The following VPS13A variants were observed in gnomAD, a reference collection of about 807,000 sequenced individuals.
VPS13A encodes intermembrane lipid transfer protein VPS13A.
A neutral mutation model predicts 390.9 loss-of-function variants in VPS13A; 264 were observed. That is an observed-to-expected ratio of 0.68 (90% CI 0.61 to 0.75). The LOEUF is 0.75. Among genes scored for constraint, VPS13A ranks in the 30% least tolerant of loss-of-function variants. The probability of loss-of-function intolerance (pLI) is 0.00; values close to 1 mark genes in which losing one functional copy is unlikely to be tolerated. For synonymous variants in VPS13A, 1,231 were observed against 1,227.1 expected (o/e 1.00, Z -0.07); for missense variants, 3,409 against 3,733.9 (o/e 0.91, Z 2.27).
chr9:77,405,662 TG>T (rs949308697), intron 69 of VPS13A, among the ~76,000 whole-genome samples: 1 of 152,224 alleles, frequency 6.6e-6, no homozygotes, highest in African/African-American at 2.4e-5. Context: ...GTTATCTTTT[TG>T]TTTGGGTTTC....
chr9:77,349,697 G>A (rs920695799), intron 52 of VPS13A, among the ~76,000 whole-genome samples: 4 of 152,076 alleles, frequency 2.6e-5, no homozygotes, highest in African/African-American at 7.2e-5. Flanking sequence ...AGGCTGGAGT[G>A]CAGAGGCGCG....
chr9:77,212,933 G>C (rs1377317886), intron 7 of VPS13A, 36 bp from the exon 8 acceptor site: 46 of 1,606,234 alleles, frequency 2.9e-5, no homozygotes, highest in African/African-American at 5.4e-5. Context: ...CAAATGGAAT[G>C]ACCTTTTTAC....
chr9:77,322,283 G>A lies in VPS13A; in HGVS notation c.5830+537G>A, dbSNP rs117077129. On this transcript the variant is annotated intron_variant, in intron 44 of 71. Transcript: ENST00000360280. ...CCAAAAGTTTTTCATTTTTATTGGA[G>A]GTGAAATATATACATTCTTAAAGTA... 1.1e-4 allele frequency among the ~76,000 whole-genome samples: 17 copies of A among 151,610 alleles called. No individual in the cohort carries two copies. In the East Asian group the frequency reaches 3.3e-3, roughly 29 times the overall value.
chr9:77,337,296 T>C lies in VPS13A; in HGVS notation c.6137T>C (p.Met2046Thr), dbSNP rs140673457. 1 of 1,613,050 alleles carries C rather than the reference T, an allele frequency of 6.2e-7. No homozygotes were observed. The highest frequency in any genetic ancestry group is 1.3e-5 in the African/African-American group (1 of 75,028). ...AAGCCAGAAGATGAGAACTATCAAATGTGTGAAGGAATTGACTTTGAAGAG... is the reference window on the plus strand; with the variant it reads ...AAGCCAGAAGATGAGAACTATCAAACGTGTGAAGGAATTGACTTTGAAGAG... ...FLKPEDENYQ[M>T]CEGIDFEEII... The change falls in exon 47 of 72, where the codon ATG (methionine) becomes ACG (threonine). Residue 2046 changes from methionine to threonine, a missense_variant. By Grantham distance (81) the Met-to-Thr change is moderately conservative. Around this residue, in one of 5 missense-constraint regions of VPS13A, gnomAD observed 2,717 missense variants for 2,917.4 expected, o/e 0.93. Transcript: ENST00000360280.
intron 27 of VPS13A, among the ~76,000 whole-genome samples, chr9:77,280,979 G>A (rs998888386): frequency 1.3e-5 from 2 of 152,138 alleles, no homozygotes; most frequent in African/African-American, 4.8e-5. Context: ...TGTCACTTAT[G>A]TCGACATAGA....
intron 59 of VPS13A, among the ~76,000 whole-genome samples, chr9:77,364,413 G>A (rs975771483): frequency 7.2e-5 from 11 of 152,016 alleles, no homozygotes; most frequent in African/African-American, 2.4e-4. Flanking sequence ...TGACCAGAGC[G>A]AGACTCCGTC....
At chr9:77,198,941 G>T (rs1825165432) in intron 1 of VPS13A, among the ~76,000 whole-genome samples, 1 of 152,146 alleles carries the variant, frequency 6.6e-6, no homozygotes, top group African/African-American at 2.4e-5. Flanking sequence ...AGGATTACAG[G>T]CGTGAACCAC....
intron 35 of VPS13A, among the ~76,000 whole-genome samples, chr9:77,313,227 A>G (rs566322769): frequency 6.6e-6 from 1 of 152,340 alleles, no homozygotes; most frequent in East Asian, 1.9e-4. Flanking sequence ...AAATTCGTCT[A>G]TGATGATTGA....
At chr9:77,381,312 C>T (rs894946405) in intron 67 of VPS13A, among the ~76,000 whole-genome samples, 5 of 152,002 alleles carry the variant, frequency 3.3e-5, no homozygotes, top group Admixed American at 6.5e-5. Flanking sequence ...GCAGTGTATG[C>T]TGCCCAGGAT....
Position 77,283,404 on chromosome 9 carries a change from A to G in VPS13A, c.3168A>G (p.Ala1056=), listed in dbSNP as rs1473788110. Residue 1056 remains alanine (A), a synonymous_variant, in exon 30 of 72, where the codon GCA becomes GCG. Transcript: ENST00000360280. ...NEDIITLQIL[A]ELSCLQIFIQ... ...ATATCATTACTTTGCAGATTTTAGC[A>G]GAATTATCGTGTTTACAGATCTTTA... The G allele has an allele frequency of 1.2e-6, 2 of 1,608,380 alleles. No homozygotes were observed. Among genetic ancestry groups the G allele is most frequent in the African/African-American group, 2.7e-5 (2 of 74,770 alleles).
At chr9:77,231,362 T>C (rs1331139824) in intron 17 of VPS13A, among the ~76,000 whole-genome samples, 2 of 152,166 alleles carry the variant, frequency 1.3e-5, no homozygotes, top group African/African-American at 4.8e-5. Context: ...GTGAGTTAGG[T>C]GTGGTCTGCA....
intron 21 of VPS13A, among the ~76,000 whole-genome samples, chr9:77,251,728 A>G (rs1211333630): frequency 1.3e-5 from 2 of 152,112 alleles, no homozygotes; most frequent in South Asian, 2.1e-4. Flanking sequence ...TGGAACATTT[A>G]GGCTCGTAAC....
intron 45 of VPS13A, among the ~76,000 whole-genome samples, chr9:77,327,324 A>C (rs1391087502): frequency 6.6e-6 from 1 of 152,124 alleles, no homozygotes; most frequent in Non-Finnish European, 1.5e-5. Context: ...TAACAGCTGC[A>C]CTCATTACTG....
At chr9:77,367,003 G>A (rs932803928) in intron 61 of VPS13A, 131 bp downstream of exon 61, 2 of 823,736 alleles carry the variant, frequency 2.4e-6, no homozygotes, top group African/African-American at 3.4e-5. Flanking sequence ...TTGCATTCAA[G>A]TGAAGTGCAA....
intron 45 of VPS13A, among the ~76,000 whole-genome samples, chr9:77,327,939 A>G (rs1285573608): frequency 2.6e-5 from 4 of 152,170 alleles, no homozygotes; most frequent in Non-Finnish European, 4.4e-5. Flanking sequence ...CGTCTAGATG[A>G]TGAATCCTTT....
chr9:77,239,068 T>C (rs1223646193), intron 19 of VPS13A, among the ~76,000 whole-genome samples: 1 of 147,082 alleles, frequency 6.8e-6, no homozygotes. Context: ...CCTTACTGGA[T>C]TTTTTTTTTC....
intron 13 of VPS13A, among the ~76,000 whole-genome samples, 195 bp from the exon 14 acceptor site, chr9:77,225,731 T>C (rs1402758243): frequency 6.6e-6 from 1 of 152,222 alleles, no homozygotes; most frequent in East Asian, 1.9e-4. Context: ...CTCTCTAATT[T>C]ACTAATTTCC....
At chr9:77,221,846 C>T (rs1823237012) in intron 13 of VPS13A, among the ~76,000 whole-genome samples, 1 of 152,138 alleles carries the variant, frequency 6.6e-6, no homozygotes, top group South Asian at 2.1e-4. Context: ...CTACTCATCC[C>T]TGAAGTTCTA....
intron 19 of VPS13A, among the ~76,000 whole-genome samples, chr9:77,240,681 T>C (rs1034244320): frequency 6.6e-6 from 1 of 151,862 alleles, no homozygotes; most frequent in East Asian, 1.9e-4. Context: ...TTTCACCATG[T>C]TGGCCAGGCT....
Sources: gnomAD v4.1 joint callset for allele counts (sites outside exome capture counted in the v4.1 genomes callset) on GRCh38, gnomAD v4.1.1 for gene constraint, gnomAD v4.1.1 regional missense constraint, MANE v1.5 for transcripts, NCBI Gene and HGNC (gene_info 2026-07-23, HGNC 2026-07-21) for gene names.